Variants in SLC22A2 observed in about 807,000 individuals in gnomAD.
SLC22A2 encodes the protein solute carrier family 22 member 2, also known as organic cation transporter 2.
Under a neutral mutation model 60.5 loss-of-function variants are expected in SLC22A2, and 46 were observed. The ratio of observed to expected loss-of-function variants is 0.76; its 90% CI spans 0.60 to 0.97. SLC22A2 has a LOEUF of 0.97. Ranked by LOEUF, SLC22A2 falls within the 50% of genes least tolerant of loss-of-function variation. The pLI, the probability that SLC22A2 is intolerant of heterozygous loss-of-function variation, is 0.00. For missense variants in SLC22A2, 701 were observed against 706.6 expected, an observed-to-expected ratio of 0.99 and a Z score of 0.09; for synonymous variants, 303 against 267.0, an observed-to-expected ratio of 1.13 and a Z score of -1.31.
chr6:160,256,250 C>A (rs565015460), intron 2 of SLC22A2, among the ~76,000 whole-genome samples: 59 of 151,794 alleles, frequency 3.9e-4, no homozygotes, highest in African/African-American at 1.4e-3. Flanking sequence ...GCTCAGAGGC[C>A]CTGAAGGCTG....
At chr6:160,248,388 C>T (rs545513813) in intron 4 of SLC22A2, among the ~76,000 whole-genome samples, 1 of 152,178 alleles carries the variant, frequency 6.6e-6, no homozygotes, top group Non-Finnish European at 1.5e-5. Flanking sequence ...TTTAAGTACC[C>T]GGTCCATGGC....
chr6:160,229,076 G>T (rs1384003959), intron 9 of SLC22A2, among the ~76,000 whole-genome samples: 1 of 151,806 alleles, frequency 6.6e-6, no homozygotes, highest in African/African-American at 2.4e-5. Flanking sequence ...TCGGATCAGG[G>T]GACCTCTCTT....
chr6:160,223,709 G>C (rs191598177), intron 10 of SLC22A2, among the ~76,000 whole-genome samples: 6 of 152,158 alleles, frequency 3.9e-5, no homozygotes. Context: ...GGATATACAT[G>C]TTTATAATTT....
At chr6:160,230,583 T>A (rs1782805629) in intron 9 of SLC22A2, among the ~76,000 whole-genome samples, 1 of 152,002 alleles carries the variant, frequency 6.6e-6, no homozygotes, top group Non-Finnish European at 1.5e-5. Context: ...TTAATTAACC[T>A]TGCCTTCAAG....
chr6:160,256,878 TTTC>T (rs1377586386), intron 1 of SLC22A2, among the ~76,000 whole-genome samples, 161 bp from the exon 2 acceptor site: 2 of 148,896 alleles, frequency 1.3e-5, no homozygotes, highest in African/African-American at 2.5e-5. Context: ...TCATGCCAAT[TTTC>T]TTCTTCTTCT....
chr6:160,257,957 C>T (rs562020972), intron 1 of SLC22A2: 4 of 194,022 alleles, frequency 2.1e-5, no homozygotes, highest in South Asian at 1.4e-4. Context: ...TTGAGTTCCA[C>T]GGGCTTTCAG....
chr6:160,254,085 C>G (rs145059754), intron 2 of SLC22A2, among the ~76,000 whole-genome samples: 220 of 152,216 alleles, frequency 1.4e-3, no homozygotes, highest in African/African-American at 4.6e-3. Flanking sequence ...CGAGATCAAC[C>G]TGGCCAACAT....
chr6:160,218,699 G>GCAGCAA (rs1207100252), intron 10 of SLC22A2, among the ~76,000 whole-genome samples: 2 of 30,126 alleles, frequency 6.6e-5, no homozygotes, highest in African/African-American at 1.5e-4. Flanking sequence ...ATCAGCAGCA[G>GCAGCAA]CAGCAACAGC....
chr6:160,252,256 C>T (rs375726401), intron 2 of SLC22A2, among the ~76,000 whole-genome samples: 1 of 152,178 alleles, frequency 6.6e-6, no homozygotes, highest in African/African-American at 2.4e-5. Flanking sequence ...AATCTATAAA[C>T]ATTGACTCAA....
chr6:160,235,226 G>A (rs954317792), intron 9 of SLC22A2, among the ~76,000 whole-genome samples: 4 of 151,932 alleles, frequency 2.6e-5, no homozygotes, highest in East Asian at 2.0e-4. Context: ...TGACTTGGAG[G>A]GTATCAGAAA....
At chr6:160,237,167 CA>C (rs1235481135) in intron 9 of SLC22A2, among the ~76,000 whole-genome samples, 2 of 152,128 alleles carry the variant, frequency 1.3e-5, no homozygotes, top group Non-Finnish European at 2.9e-5. Flanking sequence ...GTGATTCCTG[CA>C]GTTCAGAAGA....
rs1483344143 is a variant in SLC22A2, at chr6:160,243,848, G to T, written c.1065-62C>A. On this transcript the variant is annotated intron_variant, in intron 6 of 10. Transcript: ENST00000366953. ...CAAACACAGGGCACCAAAAAAGAGA[G>T]GCTTCTGGAAAAATAATGTGGATTG... 4 of 1,184,736 alleles carry T rather than the reference G, an allele frequency of 3.4e-6. No homozygotes were observed. The African/African-American group carries it at 4.6e-5, about 13-fold the overall frequency. The allele number at this position is 1,184,736 out of a possible 1,614,324, so 73.4% of individuals were successfully genotyped here. A position where few individuals can be genotyped will look rare whatever the true frequency, so the allele number is the denominator to read the frequency against.
At chr6:160,240,322 G>C (rs940842679) in intron 9 of SLC22A2, among the ~76,000 whole-genome samples, 4 of 152,172 alleles carry the variant, frequency 2.6e-5, no homozygotes, top group African/African-American at 9.7e-5. Flanking sequence ...TGGGAGTAAA[G>C]AAAAGAATCA....
At chr6:160,218,658 T>A (rs1053155754) in intron 10 of SLC22A2, among the ~76,000 whole-genome samples, 1 of 530 alleles carries the variant, frequency 1.9e-3, no homozygotes, top group Non-Finnish European at 4.2e-3. Flanking sequence ...GCAACAATAG[T>A]ATCAGTAATA....
At chr6:160,248,269 G>A (rs1268974988) in intron 4 of SLC22A2, among the ~76,000 whole-genome samples, 1 of 152,196 alleles carries the variant, frequency 6.6e-6, no homozygotes, top group Non-Finnish European at 1.5e-5. Flanking sequence ...CCATGTGAGG[G>A]CCCACAAGTG....
chr6:160,240,442 T>C (rs1236040909), intron 9 of SLC22A2, among the ~76,000 whole-genome samples: 1 of 152,140 alleles, frequency 6.6e-6, no homozygotes, highest in African/African-American at 2.4e-5. Context: ...CAGCAGACTT[T>C]AGTTTTAGAA....
chr6:160,217,644 T>C (rs1782562449), intron 10 of SLC22A2, 146 bp from the exon 11 acceptor site: 1 of 578,958 alleles, frequency 1.7e-6, no homozygotes, highest in Admixed American at 3.2e-5. Flanking sequence ...TGAGTGGTGG[T>C]TCTCACAAAG....
intron 9 of SLC22A2, among the ~76,000 whole-genome samples, chr6:160,239,589 G>A (rs917130088): frequency 9.9e-5 from 15 of 152,164 alleles, no homozygotes; most frequent in African/African-American, 3.4e-4. Flanking sequence ...CTAAGGGAGT[G>A]GCCAAGATTG....
At chr6:160,229,451 C>A (rs112079851) in intron 9 of SLC22A2, among the ~76,000 whole-genome samples, 3 of 151,850 alleles carry the variant, frequency 2.0e-5, no homozygotes, top group Middle Eastern at 3.2e-3. Flanking sequence ...CTGATCACCA[C>A]GGGGATGCTT....
Sources: gnomAD v4.1 joint callset for allele counts (sites outside exome capture counted in the v4.1 genomes callset) on GRCh38, gnomAD v4.1.1 for gene constraint, MANE v1.5 for transcripts, NCBI Gene and HGNC (gene_info 2026-07-23, HGNC 2026-07-21) for gene names.